ARHGAP10: variants seen among roughly 807,000 people sequenced by gnomAD.
ARHGAP10 encodes the protein Rho GTPase activating protein 10.
Under a neutral mutation model 108.6 loss-of-function variants are expected in ARHGAP10, and 87 were observed. That is an observed-to-expected ratio of 0.80 (90% CI 0.67 to 0.96). ARHGAP10 has a LOEUF of 0.96. Among genes scored for constraint, ARHGAP10 ranks in the 40% least tolerant of loss-of-function variants. The pLI is 0.00. For missense variants in ARHGAP10, 939 were observed against 954.5 expected, an observed-to-expected ratio of 0.98 and a Z score of 0.21; for synonymous variants, 347 against 341.1, an observed-to-expected ratio of 1.02 and a Z score of -0.19.
chr4:147,803,746 C>A (rs1731670146), intron 1 of ARHGAP10, among the ~76,000 whole-genome samples: 1 of 152,170 alleles, frequency 6.6e-6, no homozygotes, highest in African/African-American at 2.4e-5. Flanking sequence ...ATCCATGTTG[C>A]TGTAAATTAC....
intron 18 of ARHGAP10, among the ~76,000 whole-genome samples, chr4:147,990,372 A>G (rs1463096366): frequency 6.6e-6 from 1 of 152,214 alleles, no homozygotes; most frequent in Non-Finnish European, 1.5e-5. Context: ...CTAAGGGCTA[A>G]CAGTCTTAGC....
At chr4:148,065,421 T>C (rs1170054432) in intron 22 of ARHGAP10, 2 of 152,250 alleles carry the variant, frequency 1.3e-5, no homozygotes, top group Non-Finnish European at 2.9e-5. Flanking sequence ...ATGCGTGTGA[T>C]ATGTACTCTT....
chr4:147,989,243 A>G (rs1197457839), intron 18 of ARHGAP10, among the ~76,000 whole-genome samples: 1 of 152,228 alleles, frequency 6.6e-6, no homozygotes, highest in South Asian at 2.1e-4. Context: ...TAACAGGGTA[A>G]TAGAATATCA....
At chr4:147,994,734 C>T (rs1740406444) in intron 18 of ARHGAP10, among the ~76,000 whole-genome samples, 1 of 152,184 alleles carries the variant, frequency 6.6e-6, no homozygotes, top group Non-Finnish European at 1.5e-5. Flanking sequence ...CTGTCTTTCT[C>T]TGCCCCAGCA....
chr4:147,845,093 A>G (rs549919903), intron 3 of ARHGAP10, among the ~76,000 whole-genome samples: 3 of 151,992 alleles, frequency 2.0e-5, no homozygotes, highest in East Asian at 1.9e-4. Flanking sequence ...CAAACTCCTC[A>G]CCTTCATCCT....
chr4:147,928,454 G>A (rs1737546570), intron 13 of ARHGAP10, among the ~76,000 whole-genome samples: 3 of 152,186 alleles, frequency 2.0e-5, no homozygotes, highest in Admixed American at 1.3e-4. Flanking sequence ...GAAAGTGCCT[G>A]CTGGTGGGGA....
intron 18 of ARHGAP10, among the ~76,000 whole-genome samples, chr4:147,971,549 A>G (rs1474555240): frequency 6.6e-6 from 1 of 152,146 alleles, no homozygotes; most frequent in Non-Finnish European, 1.5e-5. Flanking sequence ...TCAGTTTTAT[A>G]ATGGAGTTTG....
Position 147,870,001 on chromosome 4 carries a change from TGTGTGTGTGTG to T in ARHGAP10, c.702+3186_702+3196del, listed in dbSNP as rs1560800901. 2.1e-4 allele frequency among the ~76,000 whole-genome samples: 31 copies of T among 144,504 alleles called. 1 individual carries two copies. The highest frequency in any genetic ancestry group is 4.5e-4 in the South Asian group (2 of 4,442). 94.8% of individuals were successfully genotyped at this position (144,504 alleles called of 152,430 possible). ...TATTGTTGAAAAAAGTCCCAGTTTG[TGTGTGTGTGTG>T]TGTGTGTGTGTGTGTGTGTGTGTGT... On this transcript the variant is annotated intron_variant, in intron 7 of 22. Transcript: ENST00000336498.
At chr4:147,983,394 C>A in intron 18 of ARHGAP10, among the ~76,000 whole-genome samples, 1 of 151,700 alleles carries the variant, frequency 6.6e-6, no homozygotes, top group African/African-American at 2.4e-5. Flanking sequence ...ACCGTGTTAG[C>A]CAGGATGGTC....
chr4:147,746,106 A>G (rs1728905866), intron 1 of ARHGAP10, among the ~76,000 whole-genome samples: 1 of 148,498 alleles, frequency 6.7e-6, no homozygotes, highest in Non-Finnish European at 1.5e-5. Flanking sequence ...CTTCTTATTT[A>G]TTTATTTAAT....
At chr4:148,000,342 T>A (rs1740659794) in intron 18 of ARHGAP10, among the ~76,000 whole-genome samples, 2 of 152,196 alleles carry the variant, frequency 1.3e-5, no homozygotes, top group Admixed American at 1.3e-4. Context: ...GACATTGGGG[T>A]TGGTTCCAAG....
intron 1 of ARHGAP10, among the ~76,000 whole-genome samples, chr4:147,737,627 A>G (rs945518593): frequency 6.6e-6 from 1 of 152,230 alleles, no homozygotes; most frequent in African/African-American, 2.4e-5. Flanking sequence ...TTTGCCTTGA[A>G]GAAGTTACCA....
chr4:147,845,434 C>G (rs1560787105), intron 3 of ARHGAP10, among the ~76,000 whole-genome samples: 2 of 152,188 alleles, frequency 1.3e-5, no homozygotes, highest in Non-Finnish European at 2.9e-5. Flanking sequence ...GCATGCTTAA[C>G]AGCTGTTTAT....
chr4:147,878,945 T>A (rs2126868131), intron 8 of ARHGAP10, among the ~76,000 whole-genome samples: 2 of 152,040 alleles, frequency 1.3e-5, no homozygotes, highest in South Asian at 4.2e-4. Flanking sequence ...CCTGGCTAAT[T>A]TTTTTTAGTA....
chr4:147,882,611 T>C (rs567334280), intron 10 of ARHGAP10, among the ~76,000 whole-genome samples: 27 of 152,248 alleles, frequency 1.8e-4, no homozygotes, highest in African/African-American at 6.3e-4. Flanking sequence ...CATTCATTTG[T>C]GTGTGGGGGG....
chr4:147,816,123 A>G (rs1257034665), intron 1 of ARHGAP10, among the ~76,000 whole-genome samples: 5 of 152,008 alleles, frequency 3.3e-5, no homozygotes, highest in Non-Finnish European at 7.4e-5. Context: ...GGTCGCCAGC[A>G]TTCTCGTCCT....
chr4:147,884,925 G>T (rs185912105), intron 10 of ARHGAP10, among the ~76,000 whole-genome samples: 1 of 152,308 alleles, frequency 6.6e-6, no homozygotes, highest in East Asian at 1.9e-4. Flanking sequence ...GCTCATTCTG[G>T]CAGAGTAAGA....
intron 18 of ARHGAP10, among the ~76,000 whole-genome samples, chr4:148,010,342 G>A (rs1180409500): frequency 6.6e-6 from 1 of 152,098 alleles, no homozygotes; most frequent in Admixed American, 6.6e-5. Context: ...ATGATCTTGT[G>A]TCCTTTTATT....
chr4:147,869,198 C>T (rs1734698382), intron 7 of ARHGAP10, among the ~76,000 whole-genome samples: 1 of 152,072 alleles, frequency 6.6e-6, no homozygotes, highest in African/African-American at 2.4e-5. Context: ...GAGCGCAGGG[C>T]CCTGTGGACT....
Sources: allele counts gnomAD v4.1 joint callset (sites outside exome capture counted in the v4.1 genomes callset), GRCh38; gene constraint gnomAD v4.1.1; transcripts MANE v1.5; gene names NCBI Gene and HGNC (gene_info 2026-07-23, HGNC 2026-07-21).